RASGRP3: variants seen among roughly 807,000 people sequenced by gnomAD.
RASGRP3 encodes ras guanyl-releasing protein 3.
RASGRP3 carries 54 observed loss-of-function variants against 82.7 expected under a neutral mutation model. That is an observed-to-expected ratio of 0.65 (90% CI 0.52 to 0.82). The LOEUF (loss-of-function observed/expected upper bound fraction) is 0.82, where lower values mean the gene tolerates loss of function less well. RASGRP3 is among the 40% of genes least tolerant of loss of function. RASGRP3 has a pLI of 0.00. For synonymous variants in RASGRP3, 309 were observed against 300.5 expected (o/e 1.03, Z -0.29); for missense variants, 861 against 828.9 (o/e 1.04, Z -0.48).
At chr2:33,482,511 A>C (rs944867301) in intron 1 of RASGRP3, 1 of 152,220 alleles carries the variant, frequency 6.6e-6, no homozygotes, top group Non-Finnish European at 1.5e-5. Context: ...AACCATCGGC[A>C]TTCTTGAAAG....
At chr2:33,526,278 G>T (rs1238721448) in intron 9 of RASGRP3, among the ~76,000 whole-genome samples, 1 of 152,200 alleles carries the variant, frequency 6.6e-6, no homozygotes, top group Non-Finnish European at 1.5e-5. Flanking sequence ...TGAGTCACAA[G>T]GGCTGCTTTG....
rs148568827 is a variant in RASGRP3 at position 33,462,808 on chromosome 2, T to C, written c.-261+14865T>C. 7.2e-5 allele frequency among the ~76,000 whole-genome samples: 11 copies of C among 152,368 alleles called. No homozygotes were observed. The East Asian group carries it at 2.1e-3, about 29-fold the overall frequency. ...ATATTTACTTTGTGTCATTTATCCC[T>C]GAATCAGCTTTGTAGTTCTGCTTTG... On this transcript the variant is annotated intron_variant, in intron 2 of 18. Transcript: ENST00000402538.
At position 33,549,718 on chromosome 2, in the gene RASGRP3, C is replaced by G; in HGVS notation, c.1509C>G (p.Leu503=). 1 of 1,614,008 alleles carries G rather than the reference C, an allele frequency of 6.2e-7. No homozygotes were observed. Among genetic ancestry groups the G allele is most frequent in the Non-Finnish European group, 8.5e-7 (1 of 1,179,888 alleles). Residue 503 remains leucine, a synonymous_variant, in exon 14 of 18, where the codon CTC becomes CTG. Transcript: ENST00000403687. The part of the protein sequence containing the change: ...FIHNFQEMTY[L]KPTFCEHCAG... ...ATAATTTTCAGGAGATGACCTATCT[C>G]AAGCCAACCTTCTGCGAACACTGTG...
chr2:33,496,564 T>A (rs1006927862), intron 1 of RASGRP3, among the ~76,000 whole-genome samples: 3 of 152,148 alleles, frequency 2.0e-5, no homozygotes, highest in Non-Finnish European at 4.4e-5. Flanking sequence ...TGTCAAAAAA[T>A]AAATGTTTGG....
Position 33,519,945 on chromosome 2 carries a change from G to T in RASGRP3, c.174-7G>T, listed in dbSNP as rs759039096. The T allele has an allele frequency of 6.2e-7, 1 of 1,605,764 alleles. No homozygotes were observed. The highest frequency in any genetic ancestry group is 1.3e-5 in the African/African-American group (1 of 74,776). Reference sequence around the variant, plus strand: ...GTGCAAGGATTTTTTTTCTTTAACTGGTTTACGTATCGAAATGCCACTGGA... The same window carrying T: ...GTGCAAGGATTTTTTTTCTTTAACTTGTTTACGTATCGAAATGCCACTGGA... On this transcript the variant is annotated splice_polypyrimidine_tract_variant and splice_region_variant and intron_variant, in intron 4 of 17. Transcript: ENST00000403687.
In RASGRP3 at chr2:33,522,058, G is replaced by A. The variant is rs1415655905; in HGVS notation, c.472G>A (p.Glu158Lys). The change falls in exon 7 of 18, where the codon GAG becomes AAG. Residue 158 changes from glutamate to lysine, a missense_variant. Coordinates refer to ENST00000403687, the MANE Select transcript of RASGRP3 (RefSeq NM_001139488.2). The stretch of plus-strand genomic sequence containing the variant: ...CCATCTGGAGCCCATTGAATTGGCT[G>A]AGCACCTCACTTTTCTGGAGCATAA... ...FDHLEPIELAEHLTFLEHKSF... is the reference protein window; with the variant it reads ...FDHLEPIELAKHLTFLEHKSF... The A allele has an allele frequency of 1.2e-6, 2 of 1,613,010 alleles. No individual in the cohort carries two copies. The highest frequency in any genetic ancestry group is 1.7e-6 in the Non-Finnish European group (2 of 1,179,620).
intron 2 of RASGRP3, among the ~76,000 whole-genome samples, chr2:33,452,304 T>C (rs1022488664): frequency 2.0e-5 from 3 of 152,226 alleles, no homozygotes; most frequent in Non-Finnish European, 2.9e-5. Flanking sequence ...TTTGTGGCTA[T>C]ATATTGATGT....
At chr2:33,464,078 T>C (rs1666534272) in intron 2 of RASGRP3, among the ~76,000 whole-genome samples, 1 of 147,760 alleles carries the variant, frequency 6.8e-6, no homozygotes. Flanking sequence ...ATTTTAGTAA[T>C]TCTTGCAATA....
intron 2 of RASGRP3, among the ~76,000 whole-genome samples, chr2:33,454,727 C>A (rs1665954967): frequency 6.6e-6 from 1 of 152,160 alleles, no homozygotes; most frequent in African/African-American, 2.4e-5. Flanking sequence ...GTCTCTGGAC[C>A]AGGGCCACCT....
chr2:33,536,840 C>G (rs988364147), intron 11 of RASGRP3, among the ~76,000 whole-genome samples: 1 of 152,136 alleles, frequency 6.6e-6, no homozygotes, highest in African/African-American at 2.4e-5. Context: ...AACATACAGA[C>G]AAGTGGGTGC....
At chr2:33,518,105 C>T (rs144719795) in intron 4 of RASGRP3, among the ~76,000 whole-genome samples, 215 of 152,164 alleles carry the variant, frequency 1.4e-3, no homozygotes, top group African/African-American at 4.7e-3. Flanking sequence ...AACATAACGA[C>T]GGGGATACAT....
At chr2:33,554,244 T>C (rs1385186270) in intron 14 of RASGRP3, among the ~76,000 whole-genome samples, 1 of 152,124 alleles carries the variant, frequency 6.6e-6, no homozygotes, top group Admixed American at 6.5e-5. Context: ...TGTTCACTTA[T>C]AATACATTGT....
chr2:33,527,431 A>T lies in RASGRP3; in HGVS notation c.1083+19A>T. On this transcript the variant is annotated intron_variant, in intron 10 of 17. Transcript: ENST00000403687. ...GCTCACGGTGAGTTCCAAGGAGCCA[A>T]GTTTGGGCTCAATAATTCTTCTGCA... is the stretch of plus-strand genomic sequence containing the variant. 1 of 1,597,166 alleles carries T rather than the reference A, an allele frequency of 6.3e-7. No individual in the cohort carries two copies. The highest frequency in any genetic ancestry group is 8.6e-7 in the Non-Finnish European group (1 of 1,167,284).
At chr2:33,456,255 T>C (rs1666028307) in intron 2 of RASGRP3, among the ~76,000 whole-genome samples, 1 of 152,252 alleles carries the variant, frequency 6.6e-6, no homozygotes, top group Non-Finnish European at 1.5e-5. Context: ...GTCTTTTCGT[T>C]TGTTATTTAA....
intron 14 of RASGRP3, among the ~76,000 whole-genome samples, chr2:33,550,081 A>G (rs1418958630): frequency 6.6e-6 from 1 of 152,166 alleles, no homozygotes; most frequent in Non-Finnish European, 1.5e-5. Flanking sequence ...TAAGAGGTGC[A>G]TTTATCTTAG....
intron 1 of RASGRP3, among the ~76,000 whole-genome samples, chr2:33,480,073 C>T (rs1286736385): frequency 3.5e-5 from 5 of 141,810 alleles, no homozygotes; most frequent in Non-Finnish European, 6.0e-5. Context: ...GAGACAGTCT[C>T]GCTCTGTCGC....
chr2:33,519,187 A>T (rs994874116), intron 4 of RASGRP3, among the ~76,000 whole-genome samples: 3 of 152,206 alleles, frequency 2.0e-5, no homozygotes, highest in African/African-American at 7.2e-5. Flanking sequence ...GTCACCAGGC[A>T]ATAGGAATTT....
At chr2:33,533,917 G>A (rs1031136085) in intron 10 of RASGRP3, 3 of 176,206 alleles carry the variant, frequency 1.7e-5, no homozygotes, top group Admixed American at 5.6e-5. Flanking sequence ...TCAAATAATA[G>A]GAGCCTAGTT....
At chr2:33,509,214 G>A (rs796418108) in intron 1 of RASGRP3, among the ~76,000 whole-genome samples, 10 of 152,122 alleles carry the variant, frequency 6.6e-5, no homozygotes, top group African/African-American at 1.4e-4. Flanking sequence ...CAGCCTGGCC[G>A]ACATGGGGAA....
Sources: allele counts gnomAD v4.1 joint callset (sites outside exome capture counted in the v4.1 genomes callset), GRCh38; gene constraint gnomAD v4.1.1; transcripts MANE v1.5; gene names NCBI Gene and HGNC (gene_info 2026-07-23, HGNC 2026-07-21).